HDGFL3: variants seen among roughly 807,000 people sequenced by gnomAD.
The protein encoded by HDGFL3 is hepatoma-derived growth factor-related protein 3.
In HDGFL3, 6 loss-of-function variants were observed where a neutral mutation model predicts 27.6. That is an observed-to-expected ratio of 0.22 (90% confidence interval 0.12 to 0.43). The LOEUF (loss-of-function observed/expected upper bound fraction) is 0.43, where lower values mean the gene tolerates loss of function less well. Among genes scored for constraint, HDGFL3 ranks in the 20% least tolerant of loss-of-function variants. The pLI is 1.00. For synonymous variants in HDGFL3, 88 were observed against 88.9 expected, an observed-to-expected ratio of 0.99 and a Z score of 0.05; for missense variants, 207 against 250.1, an observed-to-expected ratio of 0.83 and a Z score of 1.16.
At position 83,133,548 on chromosome 15, in the gene HDGFL3, A is replaced by G. The variant is rs2036402044; in HGVS notation, c.*5722T>C. On this transcript the variant is annotated 3_prime_UTR_variant, in exon 6 of 6. Transcript: ENST00000299633. ...AAAATGATTTAGAATGAAGTGGAAG[A>G]AAAATTATTAGGGACTCAACCTCAC... 6.6e-6 allele frequency: 1 copy of G among 152,252 alleles called. No homozygotes were observed. The highest frequency in any genetic ancestry group is 1.5e-5 in the Non-Finnish European group (1 of 68,038). The allele number at this position is 152,252 out of a possible 1,614,324, so 9.4% of individuals were successfully genotyped here.
chr15:83,194,280 G>T (rs2037545089), intron 1 of HDGFL3, among the ~76,000 whole-genome samples: 1 of 152,168 alleles, frequency 6.6e-6, no homozygotes, highest in Non-Finnish European at 1.5e-5. Flanking sequence ...AGGATATTAT[G>T]CTAAGTGAAA....
intron 5 of HDGFL3, chr15:83,144,697 C>A (rs933338042): frequency 2.8e-6 from 1 of 359,318 alleles, no homozygotes; most frequent in Admixed American, 3.7e-5. Flanking sequence ...CCCAGTTGAG[C>A]CTTAAGATGA....
At chr15:83,151,154 C>T in intron 5 of HDGFL3, 61 bp downstream of exon 5, 1 of 1,500,672 alleles carries the variant, frequency 6.7e-7, no homozygotes. Flanking sequence ...CATATGGATG[C>T]TGAATCTGAA....
At chr15:83,117,772 T>G (rs1228472951) in intron 3 of HDGFL3, among the ~76,000 whole-genome samples, 1 of 152,010 alleles carries the variant, frequency 6.6e-6, no homozygotes, top group African/African-American at 2.4e-5. Context: ...TGGGGAGTTT[T>G]AGAGTAGAGG....
At chr15:83,159,525 C>T (rs2037072174) in intron 2 of HDGFL3, among the ~76,000 whole-genome samples, 1 of 150,892 alleles carries the variant, frequency 6.6e-6, no homozygotes, top group African/African-American at 2.4e-5. Flanking sequence ...GGGGTTTGGA[C>T]AATAAAAAGA....
At chr15:83,119,553 G>C in intron 3 of HDGFL3, 3 of 1,612,394 alleles carry the variant, frequency 1.9e-6, no homozygotes, top group Non-Finnish European at 2.5e-6. Context: ...ATTTAAAGTG[G>C]ACTTCTTTTT....
intron 5 of HDGFL3, among the ~76,000 whole-genome samples, chr15:83,149,763 G>A (rs1411956071): frequency 6.6e-6 from 1 of 152,164 alleles, no homozygotes; most frequent in Admixed American, 6.6e-5. Context: ...GAAGGGAAAA[G>A]TGAAAAGGGT....
intron 1 of HDGFL3, among the ~76,000 whole-genome samples, chr15:83,169,565 G>A (rs1004193963): frequency 1.3e-5 from 2 of 152,060 alleles, no homozygotes; most frequent in African/African-American, 4.8e-5. Context: ...ACTTTGGGAG[G>A]CCGAGGCGGG....
rs911169192 is a variant in HDGFL3 at position 83,135,968 on chromosome 15, T to C, written c.*3302A>G. ...ATGAGCTCTTGCTGCAAGGAGTAGA[T>C]GAAAGACTGATAAATGAAGCTGAGG... On this transcript the variant is annotated 3_prime_UTR_variant, in exon 6 of 6. Coordinates refer to ENST00000299633, the MANE Select transcript of HDGFL3 (RefSeq NM_016073.4). 6.6e-6 allele frequency: 1 copy of C among 152,294 alleles called. No homozygotes were observed. Among genetic ancestry groups the C allele is most frequent in the Admixed American group, 6.5e-5 (1 of 15,274 alleles). 9.4% of individuals were successfully genotyped at this position (152,294 alleles called of 1,614,324 possible).
chr15:83,173,488 G>A (rs2037271370), intron 1 of HDGFL3, among the ~76,000 whole-genome samples: 1 of 152,170 alleles, frequency 6.6e-6, no homozygotes, highest in African/African-American at 2.4e-5. Flanking sequence ...ATAATCCCTT[G>A]TAAGTTGAGG....
At position 83,128,755 on chromosome 15, in the gene HDGFL3, T is replaced by C. The variant is rs1391778775; in HGVS notation, c.*10515A>G. 1 of 152,174 alleles carries C rather than the reference T, an allele frequency of 6.6e-6. No individual in the cohort carries two copies. The highest frequency in any genetic ancestry group is 1.5e-5 in the Non-Finnish European group (1 of 68,036). 9.4% of individuals were successfully genotyped at this position (152,174 alleles called of 1,614,324 possible). A position where few individuals can be genotyped will look rare whatever the true frequency, so the allele number is the denominator to read the frequency against. ...TATCTGTTTAAATAGTCCAATTGCATCCAGCAACTCAAGCCAGAAACTTGG... is the reference window on the plus strand; with the variant it reads ...TATCTGTTTAAATAGTCCAATTGCACCCAGCAACTCAAGCCAGAAACTTGG... On this transcript the variant is annotated 3_prime_UTR_variant, in exon 6 of 6. Coordinates refer to ENST00000299633, the MANE Select transcript of HDGFL3 (RefSeq NM_016073.4).
chr15:83,205,356 G>A (rs1255987374), intron 1 of HDGFL3, among the ~76,000 whole-genome samples: 1 of 152,156 alleles, frequency 6.6e-6, no homozygotes, highest in Non-Finnish European at 1.5e-5. Context: ...TTCTTGAGGA[G>A]CTCGTTAAAT....
chr15:83,161,976 C>T (rs2037107332), intron 2 of HDGFL3, among the ~76,000 whole-genome samples: 1 of 152,162 alleles, frequency 6.6e-6, no homozygotes, highest in African/African-American at 2.4e-5. Flanking sequence ...CAGTCACCTA[C>T]ATCAGAATTA....
intron 1 of HDGFL3, among the ~76,000 whole-genome samples, chr15:83,176,132 A>G (rs897616315): frequency 6.6e-6 from 1 of 152,160 alleles, no homozygotes; most frequent in African/African-American, 2.4e-5. Flanking sequence ...CTAGATTGCT[A>G]TGTGTGTCCT....
intron 4 of HDGFL3, among the ~76,000 whole-genome samples, chr15:83,155,549 A>G (rs543094034): frequency 5.3e-5 from 8 of 152,276 alleles, no homozygotes; most frequent in Admixed American, 1.3e-4. Flanking sequence ...AATGGAAGAT[A>G]AAGTCTGACA....
chr15:83,166,936 G>A (rs1003390075), intron 1 of HDGFL3, among the ~76,000 whole-genome samples: 5 of 152,198 alleles, frequency 3.3e-5, no homozygotes, highest in African/African-American at 1.2e-4. Flanking sequence ...AATTTGACAT[G>A]AGACAAATCA....
intron 1 of HDGFL3, among the ~76,000 whole-genome samples, chr15:83,198,040 G>A (rs2037593088): frequency 1.2e-5 from 1 of 80,946 alleles, no homozygotes. Context: ...GGGTGACAGA[G>A]AGAGACTCCG....
intron 1 of HDGFL3, among the ~76,000 whole-genome samples, chr15:83,177,266 C>CA (rs1435346735): frequency 6.6e-6 from 1 of 152,206 alleles, no homozygotes; most frequent in Admixed American, 6.5e-5. Context: ...TTGAACAAAT[C>CA]AGACTGGTTT....
chr15:83,173,409 G>A (rs2037270336), intron 1 of HDGFL3, among the ~76,000 whole-genome samples: 1 of 152,116 alleles, frequency 6.6e-6, no homozygotes, highest in African/African-American at 2.4e-5. Flanking sequence ...TATGAAGTTT[G>A]GTAGCTTAGG....
Sources: allele counts gnomAD v4.1 joint callset (sites outside exome capture counted in the v4.1 genomes callset), GRCh38; gene constraint gnomAD v4.1.1; transcripts MANE v1.5; gene names NCBI Gene and HGNC (gene_info 2026-07-23, HGNC 2026-07-21).